Variants in ETV6 observed in about 807,000 individuals in gnomAD.
The protein encoded by ETV6 is ETS variant transcription factor 6, also known as transcription factor ETV6.
A neutral mutation model predicts 51.1 loss-of-function variants in ETV6; 16 were observed. The ratio of observed to expected loss-of-function variants is 0.31; its 90% CI spans 0.21 to 0.48. The LOEUF (loss-of-function observed/expected upper bound fraction) is 0.48. ETV6 is among the 20% of genes least tolerant of loss of function. The probability of loss-of-function intolerance (pLI) is 0.99; values close to 1 mark genes in which losing one functional copy is unlikely to be tolerated. For synonymous variants in ETV6, 240 were observed against 224.1 expected (o/e 1.07, Z -0.64); for missense variants, 458 against 594.8 (o/e 0.77, Z 2.39).
chr12:11,741,245 C>T (rs1811329088), intron 1 of ETV6, among the ~76,000 whole-genome samples: 6 of 152,184 alleles, frequency 3.9e-5, no homozygotes, highest in Admixed American at 3.9e-4. Flanking sequence ...GGCACAGGTG[C>T]ATCTCTGTAG....
At position 11,753,846 on chromosome 12, in the gene ETV6, G is replaced by A. The variant is rs3782132; in HGVS notation, c.163+1267G>A. Among the ~76,000 whole-genome samples the A allele has an allele frequency of 7.0e-4, 107 of 152,346 alleles. No homozygotes were observed. The East Asian group carries it at 0.014, about 20-fold the overall frequency. The stretch of plus-strand genomic sequence containing the variant: ...GCTTGCTGCGTCCATCAGTATTTAC[G>A]AAGTTGCTGCCTACTATGGTCAAGA... On this transcript the variant is annotated intron_variant, in intron 2 of 7. Transcript: ENST00000396373.
intron 3 of ETV6, among the ~76,000 whole-genome samples, chr12:11,843,701 G>C (rs961626929): frequency 2.6e-5 from 4 of 152,154 alleles, no homozygotes; most frequent in Non-Finnish European, 5.9e-5. Flanking sequence ...AAATACAGTA[G>C]ACTCCCTGAA....
At chr12:11,735,603 ATTT>A (rs1338622444) in intron 1 of ETV6, among the ~76,000 whole-genome samples, 2 of 151,808 alleles carry the variant, frequency 1.3e-5, no homozygotes, top group African/African-American at 4.8e-5. Context: ...GATGATGATG[ATTT>A]TTTATTTTTT....
chr12:11,829,506 A>C (rs564124287), intron 2 of ETV6, among the ~76,000 whole-genome samples: 2 of 152,314 alleles, frequency 1.3e-5, no homozygotes, highest in East Asian at 3.9e-4. Flanking sequence ...AAAATGCTAC[A>C]TGGCTCTCAC....
rs776231778 is a variant in ETV6 at position 11,883,276 on chromosome 12, C to CTTCTTTTTTTTTTT, written c.1010-1167_1010-1166insCTTTTTTTTTTTTT. 2.0e-4 allele frequency among the ~76,000 whole-genome samples: 16 copies of CTTCTTTTTTTTTTT among 79,092 alleles called. 1 individual carries two copies. The highest frequency in any genetic ancestry group is 1.2e-3 in the African/African-American group (16 of 13,536). The allele number at this position is 79,092 out of a possible 152,430, so 51.9% of individuals were successfully genotyped here. On this transcript the variant is annotated intron_variant, in intron 5 of 7. Coordinates refer to ENST00000396373, the MANE Select transcript of ETV6 (RefSeq NM_001987.5). Reference sequence around the variant, plus strand: ...GGGAAGGTGTACATCATGTCTTCTTCTTTTTTTTTTTTTTTTTTTTTTTTT... The same window carrying CTTCTTTTTTTTTTT: ...GGGAAGGTGTACATCATGTCTTCTTCTTCTTTTTTTTTTTTTTTTTTTTTTTTTTTTTTTTTTTT...
Position 11,839,330 on chromosome 12 carries a change from G to C in ETV6, c.328+26G>C, listed in dbSNP as rs1348321700. 1.9e-6 allele frequency: 3 copies of C among 1,593,064 alleles called. No individual in the cohort carries two copies. In the Admixed American group the frequency reaches 5.1e-5, roughly 27 times the overall value. ...GTGAGAGTCTGGACTCTTGGCATAT[G>C]CCCAACTTGGAAAGTCTCTTAGTTA... On this transcript the variant is annotated intron_variant, in intron 3 of 7. Coordinates refer to ENST00000396373, the MANE Select transcript of ETV6 (RefSeq NM_001987.5).
intron 1 of ETV6, 114 bp from the exon 2 acceptor site, chr12:11,752,336 A>G: frequency 1.9e-6 from 2 of 1,062,976 alleles, no homozygotes; most frequent in Non-Finnish European, 2.8e-6. Context: ...GGAAGCTGGT[A>G]CTGCCCATGC....
At chr12:11,701,044 G>A (rs1009591713) in intron 1 of ETV6, among the ~76,000 whole-genome samples, 9 of 151,448 alleles carry the variant, frequency 5.9e-5, no homozygotes, top group Admixed American at 2.0e-4. Context: ...CAAAGCCACT[G>A]TATCACTGTC....
chr12:11,653,273 C>G (rs1360745917), intron 1 of ETV6, among the ~76,000 whole-genome samples: 2 of 152,214 alleles, frequency 1.3e-5, no homozygotes, highest in African/African-American at 4.8e-5. Context: ...GTCACCTCTT[C>G]AGTTCTAAGT....
intron 3 of ETV6, among the ~76,000 whole-genome samples, chr12:11,853,212 A>G (rs1946582940): frequency 6.6e-6 from 1 of 152,222 alleles, no homozygotes; most frequent in Admixed American, 6.5e-5. Context: ...GATTTTCATA[A>G]TCAAAAAAGT....
At chr12:11,759,736 C>T (rs1042528677) in intron 2 of ETV6, among the ~76,000 whole-genome samples, 4 of 151,176 alleles carry the variant, frequency 2.6e-5, no homozygotes, top group African/African-American at 9.7e-5. Flanking sequence ...ATGTATCTAC[C>T]TAATGCTTTC....
chr12:11,767,040 A>T (rs1037939673), intron 2 of ETV6, among the ~76,000 whole-genome samples: 1 of 152,206 alleles, frequency 6.6e-6, no homozygotes, highest in East Asian at 1.9e-4. Context: ...TTAATGGAAC[A>T]GGCTAGGAGA....
At chr12:11,660,079 G>A (rs1466844680) in intron 1 of ETV6, among the ~76,000 whole-genome samples, 1 of 152,114 alleles carries the variant, frequency 6.6e-6, no homozygotes, top group African/African-American at 2.4e-5. Context: ...TAACACAAAA[G>A]AAAAATGTTT....
In ETV6 at chr12:11,812,403, C is replaced by T. The variant is rs535239054; in HGVS notation, c.164-26737C>T. On this transcript the variant is annotated intron_variant, in intron 2 of 7. Coordinates refer to ENST00000396373, the MANE Select transcript of ETV6 (RefSeq NM_001987.5). The stretch of plus-strand genomic sequence containing the variant: ...AGGATATGGGAATAATTCTTAGGAA[C>T]CCCCCACAAATTATAGCAACCAATG... 1.8e-4 allele frequency among the ~76,000 whole-genome samples: 28 copies of T among 152,262 alleles called. No individual in the cohort carries two copies. In the South Asian group the frequency reaches 3.3e-3, roughly 18 times the overall value.
chr12:11,821,058 G>C (rs945642400), intron 2 of ETV6, among the ~76,000 whole-genome samples: 2 of 152,132 alleles, frequency 1.3e-5, no homozygotes, highest in African/African-American at 4.8e-5. Flanking sequence ...GGACCAGAAG[G>C]GGGTGTAAAA....
chr12:11,692,416 A>T (rs1022929741), intron 1 of ETV6, among the ~76,000 whole-genome samples: 7 of 152,166 alleles, frequency 4.6e-5, no homozygotes, highest in African/African-American at 1.7e-4. Flanking sequence ...TTTGGTTATA[A>T]GCAACAGAAG....
At chr12:11,655,953 G>A (rs1009539708) in intron 1 of ETV6, among the ~76,000 whole-genome samples, 5 of 152,172 alleles carry the variant, frequency 3.3e-5, no homozygotes, top group African/African-American at 7.2e-5. Flanking sequence ...TTTAGTGGCC[G>A]TTGTTCTACA....
At chr12:11,815,792 G>A (rs1345617467) in intron 2 of ETV6, among the ~76,000 whole-genome samples, 2 of 119,928 alleles carry the variant, frequency 1.7e-5, no homozygotes, top group African/African-American at 6.1e-5. Flanking sequence ...AAATAAATTC[G>A]TTTGACGGGC....
intron 7 of ETV6, 56 bp from the exon 8 acceptor site, chr12:11,890,885 T>C: frequency 7.4e-7 from 1 of 1,343,546 alleles, no homozygotes; most frequent in East Asian, 2.3e-5. Flanking sequence ...GAGTTCAGAG[T>C]GAAGACAGCT....
Sources: gnomAD v4.1 joint callset for allele counts (sites outside exome capture counted in the v4.1 genomes callset) on GRCh38, gnomAD v4.1.1 for gene constraint, MANE v1.5 for transcripts, NCBI Gene and HGNC (gene_info 2026-07-23, HGNC 2026-07-21) for gene names.